The following DMD variants were observed in gnomAD, a reference collection of about 807,000 sequenced individuals.
The protein encoded by DMD is mutant dystrophin.
Under a neutral mutation model 330.1 loss-of-function variants are expected in DMD, and 63 were observed. The ratio of observed to expected loss-of-function variants is 0.19; its 90% CI spans 0.16 to 0.24. The LOEUF is 0.24. Among genes scored for constraint, DMD ranks in the 10% least tolerant of loss-of-function variants. DMD has a pLI of 1.00. For synonymous variants in DMD, 1,223 were observed against 959.8 expected, an observed-to-expected ratio of 1.27 and a Z score of -5.07; for missense variants, 3,344 against 2,684.1, an observed-to-expected ratio of 1.25 and a Z score of -5.43.
intron 77 of DMD, among the ~76,000 whole-genome samples, chrX:31,127,711 T>G (rs1027433980): frequency 1.2e-4 from 13 of 111,280 alleles, no homozygotes; most frequent in Non-Finnish European, 2.5e-4. Flanking sequence ...TGAAACAATT[T>G]GAGAACTACT....
chrX:32,781,156 C>T (rs1389108542), intron 7 of DMD, among the ~76,000 whole-genome samples: 4 of 105,922 alleles, frequency 3.8e-5, no homozygotes, highest in South Asian at 8.6e-4. Context: ...CACTCTTATG[C>T]TCTGGGAATT....
intron 77 of DMD, among the ~76,000 whole-genome samples, chrX:31,129,666 A>G (rs1393647874): frequency 1.8e-5 from 2 of 112,097 alleles, no homozygotes; most frequent in African/African-American, 6.5e-5. Context: ...AAAGCTTTAT[A>G]AAAACAGGTA....
intron 1 of DMD, among the ~76,000 whole-genome samples, chrX:33,272,356 G>C (rs1006202949): frequency 2.9e-4 from 32 of 112,149 alleles, no homozygotes; most frequent in African/African-American, 1.0e-3. Flanking sequence ...TGTATTTATA[G>C]AGAAATCCAT....
intron 2 of DMD, among the ~76,000 whole-genome samples, chrX:32,925,703 G>C (rs922640638): frequency 4.5e-5 from 5 of 111,998 alleles, no homozygotes; most frequent in Non-Finnish European, 1.9e-5. Context: ...AATTGCAGGA[G>C]TTACTTTAAT....
At chrX:32,109,366 C>T (rs1420912207) in intron 44 of DMD, among the ~76,000 whole-genome samples, 1 of 111,010 alleles carries the variant, frequency 9.0e-6, no homozygotes, top group Non-Finnish European at 1.9e-5. Flanking sequence ...AAGCCACCAT[C>T]GAACATGCTG....
In DMD at chrX:33,174,034, CA is replaced by C. The variant is rs200540950; in HGVS notation, c.31+37247del. 0.15 allele frequency among the ~76,000 whole-genome samples: 7,663 copies of C among 52,588 alleles called. 241 individuals are homozygous for C. The highest frequency in any genetic ancestry group is 0.18 in the Non-Finnish European group (4,104 of 22,741). 45.7% of individuals were successfully genotyped at this position (52,588 alleles called of 115,157 possible). A position where few individuals can be genotyped will look rare whatever the true frequency, so the allele number is the denominator to read the frequency against. Reference sequence around the variant, plus strand: ...TGTATCTATATAAGATTGGTAACTACAAAAAAAAAAAAAAAAAAAAGAATCC... The same window carrying C: ...TGTATCTATATAAGATTGGTAACTACAAAAAAAAAAAAAAAAAAAGAATCC... On this transcript the variant is annotated intron_variant, in intron 1 of 78. Coordinates refer to ENST00000357033, the MANE Select transcript of DMD (RefSeq NM_004006.3).
intron 44 of DMD, among the ~76,000 whole-genome samples, chrX:32,042,004 CCTCT>C (rs745438310): frequency 7.1e-5 from 5 of 70,375 alleles, no homozygotes; most frequent in Admixed American, 1.8e-4. Context: ...TCCCTTCCTC[CCTCT>C]CTCTCTCTCT....
intron 52 of DMD, among the ~76,000 whole-genome samples, chrX:31,685,412 C>G (rs901201005): frequency 8.9e-6 from 1 of 111,944 alleles, no homozygotes; most frequent in Non-Finnish European, 1.9e-5. Context: ...ACGGAACACC[C>G]ACTCAAATGT....
intron 52 of DMD, among the ~76,000 whole-genome samples, chrX:31,688,805 C>A (rs2082888138): frequency 1.8e-5 from 2 of 111,679 alleles, no homozygotes; most frequent in Admixed American, 1.9e-4. Context: ...GGATGCAAGG[C>A]TGGTTCAACA....
At chrX:32,662,458 T>C (rs2061008066) in intron 9 of DMD, among the ~76,000 whole-genome samples, 1 of 111,964 alleles carries the variant, frequency 8.9e-6, no homozygotes. Context: ...AATACAATCC[T>C]ACCTATCAAG....
At chrX:32,021,071 T>C (rs1022703998) in intron 44 of DMD, among the ~76,000 whole-genome samples, 2 of 112,452 alleles carry the variant, frequency 1.8e-5, no homozygotes, top group Non-Finnish European at 3.8e-5. Flanking sequence ...GCGAATACTG[T>C]TGAGAAATTT....
At chrX:31,737,691 A>G (rs1343582930) in intron 51 of DMD, among the ~76,000 whole-genome samples, 1 of 107,075 alleles carries the variant, frequency 9.3e-6, no homozygotes, top group Non-Finnish European at 1.9e-5. Flanking sequence ...TGGATCTGCG[A>G]AAGTATCCAG....
At chrX:31,482,843 G>A (rs751016680) in intron 57 of DMD, among the ~76,000 whole-genome samples, 1 of 110,811 alleles carries the variant, frequency 9.0e-6, no homozygotes, top group African/African-American at 3.3e-5. Context: ...TAGCAGTAGG[G>A]TAACCAACCA....
At chrX:32,497,293 T>A (rs2043590420) in intron 19 of DMD, among the ~76,000 whole-genome samples, 1 of 112,432 alleles carries the variant, frequency 8.9e-6, no homozygotes, top group Admixed American at 9.5e-5. Context: ...TATTATCAGG[T>A]ATCACCTTAA....
intron 7 of DMD, among the ~76,000 whole-genome samples, chrX:32,774,286 C>A (rs758925386): frequency 8.9e-6 from 1 of 112,022 alleles, no homozygotes; most frequent in African/African-American, 3.2e-5. Flanking sequence ...GGGAAAGAAA[C>A]AATTCGTAAG....
In DMD at chrX:31,727,494, A is replaced by G. The variant is rs185289184; in HGVS notation, c.7660+2137T>C. On this transcript the variant is annotated intron_variant, in intron 52 of 78. Transcript: ENST00000357033. ...AACAGAATATGAACAAAATTAACACACACCATTTCCAGGCGTGGCTCATGA... is the reference window on the plus strand; with the variant it reads ...AACAGAATATGAACAAAATTAACACGCACCATTTCCAGGCGTGGCTCATGA... Among the ~76,000 whole-genome samples the G allele has an allele frequency of 5.5e-3, 612 of 112,011 alleles. 2 individuals carry two copies. Among genetic ancestry groups the G allele is most frequent in the South Asian group, 9.7e-3 (26 of 2,690 alleles).
chrX:31,971,037 G>A (rs1041327826), intron 44 of DMD, among the ~76,000 whole-genome samples: 3 of 111,333 alleles, frequency 2.7e-5, no homozygotes, highest in South Asian at 7.5e-4. Context: ...ACTTTAATGC[G>A]CATACAAATC....
intron 44 of DMD, among the ~76,000 whole-genome samples, chrX:32,078,741 A>T (rs1332032535): frequency 1.8e-5 from 2 of 112,100 alleles, no homozygotes; most frequent in Non-Finnish European, 3.8e-5. Context: ...CATAAAGATT[A>T]CTTTTAGTTA....
chrX:32,580,994 T>G (rs1297414191), intron 13 of DMD, among the ~76,000 whole-genome samples: 2 of 110,771 alleles, frequency 1.8e-5, no homozygotes, highest in Non-Finnish European at 3.8e-5. Context: ...ACCTGGCTCT[T>G]TTTTGTATTT....
Sources: allele counts gnomAD v4.1 joint callset (sites outside exome capture counted in the v4.1 genomes callset), GRCh38; gene constraint gnomAD v4.1.1; transcripts MANE v1.5; gene names NCBI Gene and HGNC (gene_info 2026-07-23, HGNC 2026-07-21).